The following TOM1L1 variants were observed in gnomAD, a reference collection of about 807,000 sequenced individuals.
The protein encoded by TOM1L1 is target of myb1 like 1 membrane trafficking protein.
A neutral mutation model predicts 63.4 loss-of-function variants in TOM1L1; 64 were observed. The observed-to-expected ratio is 1.01, with a 90% CI of 0.83 to 1.24. TOM1L1 has a LOEUF of 1.24. TOM1L1 is among the 50% of genes most tolerant of loss of function. The pLI is 0.00. For missense variants in TOM1L1, 536 were observed against 567.0 expected (o/e 0.95, Z 0.55); for synonymous variants, 166 against 194.4 (o/e 0.85, Z 1.22).
At chr17:54,945,079 T>G (rs1262213996) in intron 11 of TOM1L1, among the ~76,000 whole-genome samples, 1 of 152,202 alleles carries the variant, frequency 6.6e-6, no homozygotes, top group Non-Finnish European at 1.5e-5. Flanking sequence ...CTCTTCCAGA[T>G]TCCAATGACT....
intron 7 of TOM1L1, among the ~76,000 whole-genome samples, chr17:54,918,813 C>T (rs1381726091): frequency 6.6e-6 from 1 of 152,208 alleles, no homozygotes; most frequent in Non-Finnish European, 1.5e-5. Context: ...GCATAAAGTT[C>T]ACTGATACAG....
chr17:54,939,028 T>A lies in TOM1L1; in HGVS notation c.1130+8T>A, dbSNP rs752083582. ...GAATACAGAGATACCCCCGTAAGTA[T>A]GTCAGTAACACTGCAGAACTAATAT... On this transcript the variant is annotated splice_region_variant and intron_variant, in intron 11 of 15. Coordinates refer to ENST00000575882, the MANE Select transcript of TOM1L1 (RefSeq NM_005486.3). 8.4e-6 allele frequency: 13 copies of A among 1,541,508 alleles called. No homozygotes were observed. Among genetic ancestry groups the A allele is most frequent in the Non-Finnish European group, 9.8e-6 (11 of 1,116,804 alleles).
intron 10 of TOM1L1, chr17:54,937,828 T>TTACAATGCTGC (rs2048975120): frequency 7.4e-6 from 1 of 135,812 alleles, no homozygotes; most frequent in African/African-American, 2.7e-5. Flanking sequence ...GTAGCAAAGC[T>TTACAATGCTGC]TACAATGCAT....
intron 8 of TOM1L1, among the ~76,000 whole-genome samples, chr17:54,933,768 A>G (rs1598036345): frequency 6.6e-6 from 1 of 151,986 alleles, no homozygotes; most frequent in South Asian, 2.1e-4. Flanking sequence ...TGATCCACCC[A>G]CCTCGGCCTC....
chr17:54,928,295 T>C (rs2143846448), intron 7 of TOM1L1, among the ~76,000 whole-genome samples: 1 of 152,164 alleles, frequency 6.6e-6, no homozygotes, highest in South Asian at 2.1e-4. Context: ...GGGGTTTCAA[T>C]GGCACCATTG....
chr17:54,930,709 G>A (rs990651758), intron 8 of TOM1L1, among the ~76,000 whole-genome samples: 52 of 152,040 alleles, frequency 3.4e-4, no homozygotes, highest in Non-Finnish European at 5.3e-4. Context: ...GGGCATGGTC[G>A]CGCATGCCTG....
chr17:54,942,271 T>C (rs952592905), intron 11 of TOM1L1: 1 of 151,354 alleles, frequency 6.6e-6, no homozygotes, highest in Non-Finnish European at 1.5e-5. Context: ...TAATTTTTTT[T>C]TTTTTTTGTA....
In TOM1L1 at chr17:54,930,122, T is replaced by C. The variant is rs763491827; in HGVS notation, c.770T>C (p.Leu257Pro). ...REMQERIMDL[L>P]VVVENEDVTV... ...ATGCAGGAGAGGATCATGGACCTGC[T>C]TGTGGTGGTGGAGAACGAAGATGTA... The change falls in exon 8 of 16, where the codon CTT becomes CCT. Residue 257 changes from leucine to proline, a missense_variant. By Grantham distance (98) the Leu-to-Pro change is moderately conservative. Coordinates refer to ENST00000575882, the MANE Select transcript of TOM1L1 (RefSeq NM_005486.3). The C allele has an allele frequency of 6.8e-6, 11 of 1,614,140 alleles. No individual in the cohort carries two copies. Among genetic ancestry groups the C allele is most frequent in the South Asian group, 6.6e-5 (6 of 91,078 alleles).
In TOM1L1 at chr17:54,912,820, GTC is replaced by G; in HGVS notation, c.372+7_372+8del. On this transcript the variant is annotated splice_donor_region_variant and intron_variant, in intron 4 of 15. Coordinates refer to ENST00000575882, the MANE Select transcript of TOM1L1 (RefSeq NM_005486.3). ...AGAATCTTGAATTTCATTAAGGTAAGTCTGTTGTATACCTCATGGGATGGTAA... is the reference window on the plus strand; with the variant it reads ...AGAATCTTGAATTTCATTAAGGTAAGTGTTGTATACCTCATGGGATGGTAA... The G allele has an allele frequency of 6.3e-7, 1 of 1,599,412 alleles. No individual in the cohort carries two copies. Among genetic ancestry groups the G allele is most frequent in the Non-Finnish European group, 8.5e-7 (1 of 1,175,174 alleles).
At chr17:54,912,628 C>A (rs1464087621) in intron 3 of TOM1L1, 38 bp from the exon 4 acceptor site, 16 of 1,455,028 alleles carry the variant, frequency 1.1e-5, no homozygotes, top group Non-Finnish European at 1.4e-5. Context: ...GGTGGTTTTG[C>A]CAGATAAATA....
chr17:54,930,230 T>TACCCCTCTTC (rs2048836324), intron 8 of TOM1L1, 24 bp downstream of exon 8: 2 of 1,613,418 alleles, frequency 1.2e-6, no homozygotes. Context: ...GTACCCTCTT[T>TACCCCTCTTC]ACCCCTCTTC....
chr17:54,909,550 T>C (rs2048464821), intron 3 of TOM1L1, among the ~76,000 whole-genome samples: 1 of 152,222 alleles, frequency 6.6e-6, no homozygotes, highest in Admixed American at 6.5e-5. Context: ...TCACTCCTGC[T>C]AGGAAGTTCT....
At chr17:54,949,907 G>A (rs2049184686) in intron 13 of TOM1L1, 138 bp from the exon 14 acceptor site, 8 of 698,338 alleles carry the variant, frequency 1.1e-5, no homozygotes, top group Non-Finnish European at 4.8e-6. Flanking sequence ...GAACTTGGGA[G>A]TAGCATTGGG....
At position 54,961,437 on chromosome 17, in the gene TOM1L1, A is replaced by T. The variant is rs546581192; in HGVS notation, c.*204A>T. ...TGACAACAGCGTGAGATTTCAACAG[A>T]ACTTGTTTGGAACAAATACTCACTT... On this transcript the variant is annotated 3_prime_UTR_variant, in exon 16 of 16. Transcript: ENST00000575882. 9.3e-6 allele frequency: 14 copies of T among 1,505,310 alleles called. No individual in the cohort carries two copies. The South Asian group carries it at 1.7e-4, about 18-fold the overall frequency. The allele number at this position is 1,505,310 out of a possible 1,614,324, so 93.2% of individuals were successfully genotyped here.
intron 11 of TOM1L1, among the ~76,000 whole-genome samples, chr17:54,944,650 T>C (rs2049088865): frequency 6.6e-6 from 1 of 152,208 alleles, no homozygotes; most frequent in Admixed American, 6.5e-5. Context: ...TGTCTGTTCC[T>C]GAAGGATATT....
chr17:54,931,949 G>GTTT (rs10632110), intron 8 of TOM1L1, among the ~76,000 whole-genome samples: 30,483 of 120,614 alleles, frequency 0.25, 3,657 homozygotes, highest in South Asian at 0.33. Flanking sequence ...TTTTTTCTTC[G>GTTT]TTTTTTTTTT....
At chr17:54,955,609 T>C (rs1450170339) in intron 14 of TOM1L1, among the ~76,000 whole-genome samples, 1 of 152,002 alleles carries the variant, frequency 6.6e-6, no homozygotes, top group Non-Finnish European at 1.5e-5. Flanking sequence ...TTATACCACG[T>C]AGGGAACAAA....
At chr17:54,946,361 T>G (rs2049119005) in intron 11 of TOM1L1, among the ~76,000 whole-genome samples, 1 of 152,196 alleles carries the variant, frequency 6.6e-6, no homozygotes, top group Non-Finnish European at 1.5e-5. Flanking sequence ...TCTCCAGTCA[T>G]AAAGCTGGAG....
At chr17:54,960,165 C>A (rs1416455838) in intron 14 of TOM1L1, among the ~76,000 whole-genome samples, 1 of 152,014 alleles carries the variant, frequency 6.6e-6, no homozygotes, top group Non-Finnish European at 1.5e-5. Flanking sequence ...GAGTTTGAAA[C>A]CAGCCTGGCC....
Sources: gnomAD v4.1 joint callset for allele counts (sites outside exome capture counted in the v4.1 genomes callset) on GRCh38, gnomAD v4.1.1 for gene constraint, MANE v1.5 for transcripts, NCBI Gene and HGNC (gene_info 2026-07-23, HGNC 2026-07-21) for gene names.